LPGAT1: variants seen among roughly 807,000 people sequenced by gnomAD.
The protein encoded by LPGAT1 is acyl-CoA:lysophosphatidylglycerol acyltransferase 1.
A neutral mutation model predicts 47.5 loss-of-function variants in LPGAT1; 11 were observed. The observed-to-expected ratio is 0.23, with a 90% CI of 0.15 to 0.38. The LOEUF (loss-of-function observed/expected upper bound fraction) is 0.38. LPGAT1 is among the 10% of genes least tolerant of loss of function. The pLI, the probability that LPGAT1 is intolerant of heterozygous loss-of-function variation, is 1.00. For synonymous variants in LPGAT1, 138 were observed against 144.2 expected (o/e 0.96, Z 0.31); for missense variants, 293 against 439.0 (o/e 0.67, Z 2.97).
chr1:211,753,781 G>A (rs112242480), intron 6 of LPGAT1, among the ~76,000 whole-genome samples: 324 of 152,256 alleles, frequency 2.1e-3, no homozygotes, highest in African/African-American at 7.4e-3. Context: ...AGGTCCATTA[G>A]ATTACTAGTT....
At chr1:211,802,768 C>T (rs1449158969) in intron 2 of LPGAT1, among the ~76,000 whole-genome samples, 1 of 151,976 alleles carries the variant, frequency 6.6e-6, no homozygotes, top group African/African-American at 2.4e-5. Flanking sequence ...TGTGGATTTC[C>T]ACTCTGACAT....
rs559748617 is a variant in LPGAT1 at position 211,823,838 on chromosome 1, T to G, written c.238+5221A>C. The stretch of plus-strand genomic sequence containing the variant: ...TTAGTGTCACAGCTACTTGAAAGGC[T>G]GAGGCAGGAGAATCGCTTTTGAGTC... On this transcript the variant is annotated intron_variant, in intron 2 of 7. Coordinates refer to ENST00000366997, the MANE Select transcript of LPGAT1 (RefSeq NM_014873.3). Among the ~76,000 whole-genome samples, 10 of 151,584 alleles carry G rather than the reference T, an allele frequency of 6.6e-5. No individual in the cohort carries two copies. In the East Asian group the frequency reaches 1.2e-3, roughly 18 times the overall value.
At chr1:211,756,030 G>A (rs1449731713) in intron 6 of LPGAT1, among the ~76,000 whole-genome samples, 1 of 152,142 alleles carries the variant, frequency 6.6e-6, no homozygotes, top group East Asian at 1.9e-4. Context: ...GAGGTCAGGG[G>A]TTTGAGACAA....
Position 211,749,766 on chromosome 1 carries a change from T to A in LPGAT1, c.*133A>T. ...GATTTTAAAATATCCCAAAGGGGGATAAATATTAATCCATCCATTGAATTT... is the reference window on the plus strand; with the variant it reads ...GATTTTAAAATATCCCAAAGGGGGAAAAATATTAATCCATCCATTGAATTT... On this transcript the variant is annotated 3_prime_UTR_variant, in exon 8 of 8. Coordinates refer to ENST00000366997, the MANE Select transcript of LPGAT1 (RefSeq NM_014873.3). 1 of 880,348 alleles carries A rather than the reference T, an allele frequency of 1.1e-6. No individual in the cohort carries two copies. Among genetic ancestry groups the A allele is most frequent in the Non-Finnish European group, 1.8e-6 (1 of 549,882 alleles). The allele number at this position is 880,348 out of a possible 1,614,324, so 54.5% of individuals were successfully genotyped here.
chr1:211,779,016 T>C lies in LPGAT1; in HGVS notation c.756A>G (p.Ile252Met). Residue 252 changes from isoleucine (I) to methionine (M), a missense_variant, in exon 6 of 8, where the codon ATA becomes ATG. Coordinates refer to ENST00000366997, the MANE Select transcript of LPGAT1 (RefSeq NM_014873.3). Reference protein sequence around the residue: ...LDSKSKGLQWIIDTTIAYPKA... With the variant: ...LDSKSKGLQWMIDTTIAYPKA... ...TGGGATAAGCTATCGTTGTATCTATTATCCACTGGAGGCCTTTTGATTTGC... is the reference window on the plus strand; with the variant it reads ...TGGGATAAGCTATCGTTGTATCTATCATCCACTGGAGGCCTTTTGATTTGC... 1 of 1,599,078 alleles carries C rather than the reference T, an allele frequency of 6.3e-7. No individual in the cohort carries two copies. Among genetic ancestry groups the C allele is most frequent in the East Asian group, 2.2e-5 (1 of 44,618 alleles).
chr1:211,788,094 T>C (rs981038165), intron 3 of LPGAT1, among the ~76,000 whole-genome samples: 1 of 152,248 alleles, frequency 6.6e-6, no homozygotes, highest in African/African-American at 2.4e-5. Context: ...ATGGTTAAGT[T>C]ATCAAACAAG....
chr1:211,804,916 G>C (rs2102576474), intron 2 of LPGAT1, among the ~76,000 whole-genome samples: 1 of 152,260 alleles, frequency 6.6e-6, no homozygotes, highest in Non-Finnish European at 1.5e-5. Flanking sequence ...ATGGGACTGT[G>C]GTAGTGGTCA....
At chr1:211,779,871 A>G (rs1056078446) in intron 5 of LPGAT1, among the ~76,000 whole-genome samples, 2 of 147,250 alleles carry the variant, frequency 1.4e-5, no homozygotes, top group African/African-American at 5.1e-5. Flanking sequence ...TAAATAAATA[A>G]ATAAATAAAT....
intron 6 of LPGAT1, 91 bp downstream of exon 6, chr1:211,778,827 C>T: frequency 9.5e-7 from 1 of 1,048,144 alleles, no homozygotes; most frequent in Non-Finnish European, 1.3e-6. Context: ...ACTATTTCTA[C>T]TGTGTGATTA....
intron 6 of LPGAT1, among the ~76,000 whole-genome samples, chr1:211,775,931 C>CCAA: frequency 1.3e-5 from 1 of 77,298 alleles, no homozygotes; most frequent in East Asian, 3.5e-4. Context: ...AATGCCATCT[C>CCAA]AAAAAAAAAA....
chr1:211,780,909 T>C (rs923551297), intron 5 of LPGAT1, among the ~76,000 whole-genome samples: 1 of 152,206 alleles, frequency 6.6e-6, no homozygotes, highest in Admixed American at 6.5e-5. Flanking sequence ...AAAATTTTTA[T>C]AATTAAATGA....
At chr1:211,763,192 A>T (rs1657773014) in intron 6 of LPGAT1, among the ~76,000 whole-genome samples, 1 of 152,244 alleles carries the variant, frequency 6.6e-6, no homozygotes, top group Non-Finnish European at 1.5e-5. Flanking sequence ...CTGAAACTCA[A>T]GTTCAAACTT....
intron 7 of LPGAT1, 120 bp from the exon 8 acceptor site, chr1:211,750,170 G>A (rs1419513165): frequency 1.2e-6 from 1 of 800,434 alleles, no homozygotes; most frequent in Non-Finnish European, 2.1e-6. Flanking sequence ...TGACTTTCCA[G>A]TGCCCCAGAG....
chr1:211,761,684 T>C (rs1443520488), intron 6 of LPGAT1, among the ~76,000 whole-genome samples: 1 of 152,238 alleles, frequency 6.6e-6, no homozygotes, highest in Non-Finnish European at 1.5e-5. Flanking sequence ...TTGAGTTACT[T>C]AGAGATACAA....
At chr1:211,818,303 G>A (rs1660251467) in intron 2 of LPGAT1, among the ~76,000 whole-genome samples, 1 of 152,036 alleles carries the variant, frequency 6.6e-6, no homozygotes, top group African/African-American at 2.4e-5. Flanking sequence ...AAGTAAAGTA[G>A]GCCCAAAATA....
In LPGAT1 at chr1:211,778,810, T is replaced by G. The variant is rs1239106585; in HGVS notation, c.854+108A>C. On this transcript the variant is annotated intron_variant, in intron 6 of 7. Coordinates refer to ENST00000366997, the MANE Select transcript of LPGAT1 (RefSeq NM_014873.3). ...TAAAAATGCAGCATAAGAATGAACT[T>G]GAGCCAACTATTTCTACTGTGTGAT... The G allele has an allele frequency of 1.9e-5, 17 of 879,882 alleles. 1 individual carries two copies. The Middle Eastern group carries it at 2.3e-3, about 121-fold the overall frequency. The allele number at this position is 879,882 out of a possible 1,614,324, so 54.5% of individuals were successfully genotyped here.
Position 211,829,368 on chromosome 1 carries a change from T to C in LPGAT1, c.-27-45A>G. On this transcript the variant is annotated intron_variant, in intron 1 of 7. Transcript: ENST00000366997. ...CACTTAAAAAGGAAAATTCATTAAA[T>C]ACATCTAAACAGTCACCAACATAGA... is the stretch of plus-strand genomic sequence containing the variant. 8.1e-6 allele frequency: 13 copies of C among 1,602,956 alleles called. No homozygotes were observed. The South Asian group carries it at 1.3e-4, about 16-fold the overall frequency.
At chr1:211,781,407 A>C (rs1658637645) in intron 5 of LPGAT1, among the ~76,000 whole-genome samples, 1 of 152,226 alleles carries the variant, frequency 6.6e-6, no homozygotes, top group Non-Finnish European at 1.5e-5. Flanking sequence ...TGTTTGGAAG[A>C]CATTTGCCTT....
intron 2 of LPGAT1, among the ~76,000 whole-genome samples, chr1:211,794,601 C>T (rs930105290): frequency 1.3e-5 from 2 of 152,302 alleles, no homozygotes; most frequent in East Asian, 3.9e-4. Flanking sequence ...CCACTGCACT[C>T]GGCCACCTCA....
Sources: gnomAD v4.1 joint callset for allele counts (sites outside exome capture counted in the v4.1 genomes callset) on GRCh38, gnomAD v4.1.1 for gene constraint, MANE v1.5 for transcripts, NCBI Gene and HGNC (gene_info 2026-07-23, HGNC 2026-07-21) for gene names.